The following ASCC3 variants were observed in gnomAD, a reference collection of about 807,000 sequenced individuals.
ASCC3 encodes the protein ASC-1 complex subunit P200.
ASCC3 carries 158 observed loss-of-function variants against 256.3 expected under a neutral mutation model. The observed-to-expected ratio is 0.62, with a 90% CI of 0.54 to 0.70. The LOEUF is 0.70. Ranked by LOEUF, ASCC3 falls within the 30% of genes least tolerant of loss-of-function variation. The probability of loss-of-function intolerance (pLI) is 0.00; values close to 1 mark genes in which losing one functional copy is unlikely to be tolerated. For missense variants in ASCC3, 2,259 were observed against 2,626.0 expected (o/e 0.86, Z 3.05); for synonymous variants, 948 against 883.4 (o/e 1.07, Z -1.30).
chr6:100,764,253 T>C (rs1781544881), intron 10 of ASCC3, among the ~76,000 whole-genome samples: 2 of 152,178 alleles, frequency 1.3e-5, no homozygotes, highest in Admixed American at 6.5e-5. Context: ...TTTATGAATA[T>C]AAATGAATGG....
chr6:100,670,067 A>G (rs889446034), intron 14 of ASCC3, among the ~76,000 whole-genome samples: 1 of 152,006 alleles, frequency 6.6e-6, no homozygotes, highest in Non-Finnish European at 1.5e-5. Context: ...TATGTAACCT[A>G]TATGTACTAA....
At chr6:100,544,258 A>C (rs1775599571) in intron 36 of ASCC3, among the ~76,000 whole-genome samples, 1 of 152,120 alleles carries the variant, frequency 6.6e-6, no homozygotes, top group Admixed American at 6.5e-5. Context: ...CACCTTAAAA[A>C]ACTAGAAAAA....
At position 100,848,598 on chromosome 6, in the gene ASCC3, C is replaced by T. The variant is rs1006437329; in HGVS notation, c.351G>A (p.Gln117=). The T allele has an allele frequency of 1.9e-6, 3 of 1,614,028 alleles. No individual in the cohort carries two copies. Among genetic ancestry groups the T allele is most frequent in the African/African-American group, 1.3e-5 (1 of 74,936 alleles). ...VGHKETKAIK[Q]MFGPFPSSSA... is the part of the protein sequence containing the mutation. ...ATGATGAAGGAAAGGGGCCAAACATCTGTTTGATAGCCTTTGTTTCCTTGT... is the reference window on the plus strand; with the variant it reads ...ATGATGAAGGAAAGGGGCCAAACATTTGTTTGATAGCCTTTGTTTCCTTGT... Residue 117 remains glutamine, a synonymous_variant, in exon 4 of 42, where the codon CAG becomes CAA. Coordinates refer to ENST00000369162, the MANE Select transcript of ASCC3 (RefSeq NM_006828.4).
chr6:100,638,798 G>A lies in ASCC3; in HGVS notation c.3925C>T (p.Pro1309Ser), dbSNP rs1333922605. The A allele has an allele frequency of 1.9e-6, 3 of 1,613,926 alleles. No individual in the cohort carries two copies. The highest frequency in any genetic ancestry group is 3.3e-5 in the Admixed American group (2 of 59,988). ...GCTTTACATCCCAAAGCTGTGATTG[G>A]TAAAGGCTGAAGATCCAGTAATTCT... Reference protein sequence around the residue: ...HTELLDLQPLPITALGCKAYE... With the variant: ...HTELLDLQPLSITALGCKAYE... The change falls in exon 25 of 42, where the codon CCA (proline) becomes TCA (serine). Residue 1309 changes from proline (P) to serine (S), a missense_variant. Physicochemically the swap from Pro to Ser is moderately conservative, Grantham distance 74 (BLOSUM62 -1). Around this residue, in one of 2 missense-constraint regions of ASCC3, gnomAD observed 1,839 missense variants for 2,206.7 expected, o/e 0.83. Coordinates refer to ENST00000369162, the MANE Select transcript of ASCC3 (RefSeq NM_006828.4).
chr6:100,716,337 T>G (rs148068813), intron 12 of ASCC3, among the ~76,000 whole-genome samples: 1 of 151,830 alleles, frequency 6.6e-6, no homozygotes, highest in Non-Finnish European at 1.5e-5. Context: ...TTATTAATGA[T>G]GAGAAAGCTT....
intron 14 of ASCC3, among the ~76,000 whole-genome samples, chr6:100,665,221 C>G (rs1430389542): frequency 6.6e-6 from 1 of 152,086 alleles, no homozygotes; most frequent in Non-Finnish European, 1.5e-5. Context: ...CAGTGGCCAC[C>G]AACTTGGTAT....
In ASCC3 at chr6:100,848,153, C is replaced by T; in HGVS notation, c.796G>A (p.Asp266Asn). 1 of 1,589,316 alleles carries T rather than the reference C, an allele frequency of 6.3e-7. No homozygotes were observed. Among genetic ancestry groups the T allele is most frequent in the South Asian group, 1.2e-5 (1 of 85,772 alleles). Residue 266 changes from aspartate (D) to asparagine (N), a missense_variant, in exon 4 of 42, where the codon GAT becomes AAT. Transcript: ENST00000369162. ...ASIKSGDELQ[D>N]ELFELLGPEG... ...ATAAATCATTTCAACTATACCTCATCCTGAAGTTCATCACCACTTTTAATA... is the reference window on the plus strand; with the variant it reads ...ATAAATCATTTCAACTATACCTCATTCTGAAGTTCATCACCACTTTTAATA...
At chr6:100,525,724 C>T (rs186359416) in intron 37 of ASCC3, among the ~76,000 whole-genome samples, 191 of 152,110 alleles carry the variant, frequency 1.3e-3, no homozygotes, top group African/African-American at 4.5e-3. Flanking sequence ...ATATTTAAGA[C>T]GTCAATATTA....
chr6:100,716,823 G>C (rs553860247), intron 12 of ASCC3, among the ~76,000 whole-genome samples: 3 of 151,980 alleles, frequency 2.0e-5, no homozygotes, highest in Admixed American at 2.0e-4. Flanking sequence ...AAGAAAATAA[G>C]GTTTAAGGTG....
In ASCC3 at chr6:100,847,484, A is replaced by C. The variant is rs79985898; in HGVS notation, c.801+664T>G. Among the ~76,000 whole-genome samples, 860 of 152,240 alleles carry C rather than the reference A, an allele frequency of 5.6e-3. 11 individuals carry two copies. Among genetic ancestry groups the C allele is most frequent in the African/African-American group, 0.02 (828 of 41,538 alleles). On this transcript the variant is annotated intron_variant, in intron 4 of 41. Transcript: ENST00000369162. ...CCAATACCTACTTAGCTAATTCTCTAAATTAATTTTTCTCTGAAAAATACA... is the reference window on the plus strand; with the variant it reads ...CCAATACCTACTTAGCTAATTCTCTCAATTAATTTTTCTCTGAAAAATACA...
At chr6:100,778,070 T>C (rs1172403524) in intron 8 of ASCC3, among the ~76,000 whole-genome samples, 1 of 148,462 alleles carries the variant, frequency 6.7e-6, no homozygotes, top group East Asian at 2.0e-4. Flanking sequence ...GTACAGCCAA[T>C]GGATCTGATG....
At chr6:100,796,715 G>A (rs1028050852) in intron 8 of ASCC3, among the ~76,000 whole-genome samples, 5 of 152,162 alleles carry the variant, frequency 3.3e-5, no homozygotes, top group African/African-American at 1.2e-4. Flanking sequence ...CACCTGATCT[G>A]TGACTTTCAG....
chr6:100,608,146 C>CATATATATGTATATA (rs1311691741), intron 30 of ASCC3, among the ~76,000 whole-genome samples: 11 of 41,092 alleles, frequency 2.7e-4, no homozygotes, highest in East Asian at 1.5e-3. Flanking sequence ...GTATATATAT[C>CATATATATGTATATA]TATATATACA....
At chr6:100,693,225 G>T (rs1319851862) in intron 13 of ASCC3, among the ~76,000 whole-genome samples, 1 of 151,904 alleles carries the variant, frequency 6.6e-6, no homozygotes, top group Non-Finnish European at 1.5e-5. Context: ...ATTGTTACAG[G>T]TATTTATATA....
At chr6:100,566,754 A>C (rs1362562559) in intron 36 of ASCC3, among the ~76,000 whole-genome samples, 2 of 152,120 alleles carry the variant, frequency 1.3e-5, no homozygotes, top group African/African-American at 4.8e-5. Flanking sequence ...GCATATAAAC[A>C]TGCTGCAACA....
intron 11 of ASCC3, among the ~76,000 whole-genome samples, chr6:100,725,318 C>T (rs766414741): frequency 1.1e-4 from 17 of 151,870 alleles, no homozygotes; most frequent in Admixed American, 5.9e-4. Flanking sequence ...TCTTAAGACT[C>T]TTGGCATTAG....
chr6:100,613,956 T>C (rs1773535452), intron 30 of ASCC3, among the ~76,000 whole-genome samples: 1 of 152,184 alleles, frequency 6.6e-6, no homozygotes, highest in African/African-American at 2.4e-5. Context: ...GTATGTCTTC[T>C]TTTGAAAAAT....
chr6:100,723,904 TTA>T (rs1401851010), intron 11 of ASCC3, among the ~76,000 whole-genome samples: 2 of 130,532 alleles, frequency 1.5e-5, no homozygotes, highest in African/African-American at 5.6e-5. Context: ...ATATTTATAA[TTA>T]TATATATGAC....
chr6:100,525,317 G>A (rs946586291), intron 37 of ASCC3, among the ~76,000 whole-genome samples: 1 of 151,752 alleles, frequency 6.6e-6, no homozygotes, highest in Admixed American at 6.6e-5. Context: ...ATTTATTTAT[G>A]CCAAAATGAG....
Sources: allele counts gnomAD v4.1 joint callset (sites outside exome capture counted in the v4.1 genomes callset), GRCh38; gene constraint gnomAD v4.1.1; regional missense constraint gnomAD v4.1.1; transcripts MANE v1.5; gene names NCBI Gene and HGNC (gene_info 2026-07-23, HGNC 2026-07-21).